SOX6: variants seen among roughly 807,000 people sequenced by gnomAD.
The protein encoded by SOX6 is transcription factor SOX-6.
In SOX6, 11 loss-of-function variants were observed where a neutral mutation model predicts 97.8. That is an observed-to-expected ratio of 0.11 (90% CI 0.07 to 0.19). The LOEUF is 0.19. Among genes scored for constraint, SOX6 ranks in the 10% least tolerant of loss-of-function variants. SOX6 has a pLI of 1.00. For missense variants in SOX6, 810 were observed against 1,039.5 expected (o/e 0.78, Z 3.04); for synonymous variants, 360 against 371.4 (o/e 0.97, Z 0.35).
At chr11:16,366,539 G>A (rs1857362509) in intron 1 of SOX6, among the ~76,000 whole-genome samples, 1 of 152,062 alleles carries the variant, frequency 6.6e-6, no homozygotes, top group South Asian at 2.1e-4. Flanking sequence ...CAAGCAAATT[G>A]TAGAACAAAG....
chr11:15,987,800 C>G (rs1853911771), intron 14 of SOX6, among the ~76,000 whole-genome samples: 1 of 150,714 alleles, frequency 6.6e-6, no homozygotes, highest in Admixed American at 6.6e-5. Flanking sequence ...CTATGCATAA[C>G]TCTGAAGCTC....
intron 4 of SOX6, among the ~76,000 whole-genome samples, chr11:16,528,356 G>A (rs576864975): frequency 5.9e-5 from 9 of 152,140 alleles, no homozygotes; most frequent in East Asian, 3.9e-4. Context: ...CAAGGAAGAC[G>A]TTATTCTCAT....
chr11:16,001,040 T>G (rs1381312444), intron 13 of SOX6, among the ~76,000 whole-genome samples: 1 of 151,730 alleles, frequency 6.6e-6, no homozygotes, highest in African/African-American at 2.4e-5. Context: ...TTTATTTTTA[T>G]TTTTAGTAGA....
chr11:16,354,366 A>G (rs1215021869), intron 1 of SOX6, among the ~76,000 whole-genome samples: 1 of 152,050 alleles, frequency 6.6e-6, no homozygotes, highest in East Asian at 1.9e-4. Flanking sequence ...ATTTTTACAC[A>G]TCACAATAAA....
chr11:16,285,507 C>A (rs1452594565), intron 3 of SOX6, among the ~76,000 whole-genome samples: 1 of 152,056 alleles, frequency 6.6e-6, no homozygotes, highest in Non-Finnish European at 1.5e-5. Flanking sequence ...GCACTCCAGC[C>A]TGGGCAGCAA....
intron 1 of SOX6, among the ~76,000 whole-genome samples, chr11:16,416,013 G>A (rs1858918573): frequency 6.6e-6 from 1 of 152,156 alleles, no homozygotes; most frequent in Non-Finnish European, 1.5e-5. Flanking sequence ...GCTCTTTAAA[G>A]AGTATACACT....
chr11:16,401,544 G>C (rs1413055712), intron 1 of SOX6, among the ~76,000 whole-genome samples: 1 of 151,364 alleles, frequency 6.6e-6, no homozygotes, highest in African/African-American at 2.4e-5. Context: ...AAACCATGTA[G>C]CAAATGGCAG....
At chr11:16,261,487 T>G (rs1425187779) in intron 3 of SOX6, among the ~76,000 whole-genome samples, 2 of 152,056 alleles carry the variant, frequency 1.3e-5, no homozygotes, top group African/African-American at 4.8e-5. Flanking sequence ...AAGGGAGTAC[T>G]GGTAGTAGTA....
intron 4 of SOX6, among the ~76,000 whole-genome samples, chr11:16,515,903 C>T (rs1398082697): frequency 7.1e-6 from 1 of 141,464 alleles, no homozygotes; most frequent in Non-Finnish European, 1.6e-5. Context: ...TTCCATTGAT[C>T]TATATCTCTG....
intron 3 of SOX6, among the ~76,000 whole-genome samples, chr11:16,690,050 G>A (rs1030305073): frequency 4.6e-5 from 7 of 151,372 alleles, no homozygotes; most frequent in Non-Finnish European, 7.4e-5. Flanking sequence ...TCAGCCTCCC[G>A]AGTATCTGGG....
intron 4 of SOX6, among the ~76,000 whole-genome samples, chr11:16,494,045 T>C (rs1226312925): frequency 6.6e-6 from 1 of 152,162 alleles, no homozygotes; most frequent in Non-Finnish European, 1.5e-5. Context: ...AAATATGTTA[T>C]AGTACACCCA....
At chr11:15,977,919 CTT>C (rs1424124883) in intron 15 of SOX6, among the ~76,000 whole-genome samples, 3 of 152,076 alleles carry the variant, frequency 2.0e-5, no homozygotes, top group African/African-American at 7.2e-5. Flanking sequence ...TCAGAAGAAA[CTT>C]TTCACAAACT....
intron 1 of SOX6, among the ~76,000 whole-genome samples, chr11:16,363,124 AACC>A (rs1857252657): frequency 6.6e-6 from 1 of 152,202 alleles, no homozygotes. Flanking sequence ...AGTCAAATTA[AACC>A]ACCTCTAAGA....
intron 4 of SOX6, among the ~76,000 whole-genome samples, chr11:16,563,570 A>G (rs1033125543): frequency 1.3e-5 from 2 of 152,240 alleles, no homozygotes; most frequent in African/African-American, 4.8e-5. Flanking sequence ...TCTAAATAAC[A>G]GAGAGAAAAC....
intron 1 of SOX6, among the ~76,000 whole-genome samples, chr11:16,453,369 T>C (rs1276268048): frequency 6.6e-6 from 1 of 152,112 alleles, no homozygotes; most frequent in Non-Finnish European, 1.5e-5. Flanking sequence ...ATCTGCATCT[T>C]ATAACCCCTG....
chr11:16,118,839 C>T (rs1849418449), intron 6 of SOX6, among the ~76,000 whole-genome samples: 1 of 152,008 alleles, frequency 6.6e-6, no homozygotes. Context: ...AAAGACAGTG[C>T]AAAAATGAGG....
intron 3 of SOX6, chr11:16,283,800 C>T: frequency 3.2e-6 from 1 of 316,640 alleles, no homozygotes; most frequent in South Asian, 2.6e-5. Flanking sequence ...TTCAATGCTG[C>T]TAATGTTCGA....
At chr11:16,455,985 C>T (rs1029035032) in intron 1 of SOX6, among the ~76,000 whole-genome samples, 3 of 151,892 alleles carry the variant, frequency 2.0e-5, no homozygotes, top group Non-Finnish European at 4.4e-5. Flanking sequence ...AATGAATGGG[C>T]AACTAAAAAT....
In SOX6 at chr11:15,968,536, T is replaced by C. The variant is rs1384198613; in HGVS notation, c.*4273A>G. ...AGGCTGCCTTCCTACTGAGGGTAAA[T>C]GGGCTTTCCTGAAACAATCCCTGCT... On this transcript the variant is annotated 3_prime_UTR_variant, in exon 16 of 16. Coordinates refer to ENST00000683767, the MANE Select transcript of SOX6 (RefSeq NM_001367873.1). 6.6e-6 allele frequency: 1 copy of C among 152,244 alleles called. No individual in the cohort carries two copies. Among genetic ancestry groups the C allele is most frequent in the Non-Finnish European group, 1.5e-5 (1 of 68,062 alleles). 9.4% of individuals were successfully genotyped at this position (152,244 alleles called of 1,614,324 possible). A position where few individuals can be genotyped will look rare whatever the true frequency, so the allele number is the denominator to read the frequency against.
Sources: gnomAD v4.1 joint callset for allele counts (sites outside exome capture counted in the v4.1 genomes callset) on GRCh38, gnomAD v4.1.1 for gene constraint, MANE v1.5 for transcripts, NCBI Gene and HGNC (gene_info 2026-07-23, HGNC 2026-07-21) for gene names.